NDRG4: variants seen among roughly 807,000 people sequenced by gnomAD.
The protein encoded by NDRG4 is protein NDRG4.
In NDRG4, 38 loss-of-function variants were observed where a neutral mutation model predicts 55.8. That is an observed-to-expected ratio of 0.68 (90% CI 0.53 to 0.89). The LOEUF (loss-of-function observed/expected upper bound fraction) is 0.89, where lower values mean the gene tolerates loss of function less well. Among genes scored for constraint, NDRG4 ranks in the 40% least tolerant of loss-of-function variants. The probability of loss-of-function intolerance (pLI) is 0.00; values close to 1 mark genes in which losing one functional copy is unlikely to be tolerated. For synonymous variants in NDRG4, 190 were observed against 182.7 expected (o/e 1.04, Z -0.32); for missense variants, 455 against 468.6 (o/e 0.97, Z 0.27).
intron 1 of NDRG4, chr16:58,501,762 G>A (rs77934594): frequency 9.0e-6 from 3 of 333,098 alleles, no homozygotes; most frequent in Non-Finnish European, 1.8e-5. Context: ...CGTCACCTCA[G>A]GGGGATGGGG....
At position 58,512,105 on chromosome 16, in the gene NDRG4, T is replaced by A; in HGVS notation, c.*529T>A. On this transcript the variant is annotated 3_prime_UTR_variant, in exon 15 of 15. Transcript: ENST00000570248. ...GGGGGCGCTCGGACCAGGCAGCCAC[T>A]TTCCTGGTGCTCTCTGGGCCCAGCT... is the stretch of plus-strand genomic sequence containing the variant. 2.2e-6 allele frequency: 1 copy of A among 456,714 alleles called. No homozygotes were observed. Among genetic ancestry groups the A allele is most frequent in the Non-Finnish European group, 4.4e-6 (1 of 226,962 alleles). 28.3% of individuals were successfully genotyped at this position (456,714 alleles called of 1,614,324 possible).
chr16:58,475,216 C>A (rs1348171625), intron 1 of NDRG4, among the ~76,000 whole-genome samples: 1 of 152,194 alleles, frequency 6.6e-6, no homozygotes. Context: ...TTGAGTGAGG[C>A]ACCCGTGTAA....
chr16:58,514,789 T>C (rs2039066528), downstream of NDRG4, among the ~76,000 whole-genome samples: 1 of 148,540 alleles, frequency 6.7e-6, no homozygotes, highest in Admixed American at 6.7e-5. Context: ...AAACTGAGTG[T>C]TGAGCTGCGG....
At chr16:58,471,662 G>C (rs2032851466) in intron 1 of NDRG4, among the ~76,000 whole-genome samples, 1 of 152,126 alleles carries the variant, frequency 6.6e-6, no homozygotes, top group Non-Finnish European at 1.5e-5. Context: ...ACCACAGGTG[G>C]AATGTATCGC....
rs1555490160 is a variant in NDRG4, at chr16:58,513,164, T to TTGTGTG, written c.*1589_*1590insGTGTGT. ...AGATGTATCTATAAATATCTATACA[T>TTGTGTG]TATATGTGTGTGTGTGTGTGTGTGT... On this transcript the variant is annotated 3_prime_UTR_variant, in exon 15 of 15. Transcript: ENST00000570248. 5.1e-5 allele frequency: 3 copies of TTGTGTG among 58,878 alleles called. No homozygotes were observed. Among genetic ancestry groups the TTGTGTG allele is most frequent in the East Asian group, 6.4e-4 (1 of 1,564 alleles). The allele number at this position is 58,878 out of a possible 1,614,324, so 3.6% of individuals were successfully genotyped here. A position where few individuals can be genotyped will look rare whatever the true frequency, so the allele number is the denominator to read the frequency against.
intron 1 of NDRG4, among the ~76,000 whole-genome samples, chr16:58,480,325 T>C (rs1342098206): frequency 1.3e-5 from 2 of 152,228 alleles, no homozygotes; most frequent in Non-Finnish European, 2.9e-5. Context: ...TTCACCATGT[T>C]GGCCAGGCTG....
chr16:58,467,953 G>A (rs1476892800), intron 1 of NDRG4, among the ~76,000 whole-genome samples: 1 of 152,200 alleles, frequency 6.6e-6, no homozygotes, highest in Non-Finnish European at 1.5e-5. Context: ...CCCGCAGGGT[G>A]TTCCAGTTCC....
Position 58,505,713 on chromosome 16 carries a change from C to CTTTT in NDRG4, c.373-651_373-648dup, listed in dbSNP as rs1028370131. Among the ~76,000 whole-genome samples, 9 of 58,660 alleles carry CTTTT rather than the reference C, an allele frequency of 1.5e-4. 1 individual carries two copies. Among genetic ancestry groups the CTTTT allele is most frequent in the African/African-American group, 4.6e-4 (6 of 13,054 alleles). 38.5% of individuals were successfully genotyped at this position (58,660 alleles called of 152,430 possible). On this transcript the variant is annotated intron_variant, in intron 5 of 14. Transcript: ENST00000570248. ...ATTTATATCATGAGGGCTTCATTTT[C>CTTTT]TTTTTTTTTTTTTTTTTTTTTTTTT...
At chr16:58,479,309 G>A (rs2034115639) in intron 1 of NDRG4, among the ~76,000 whole-genome samples, 1 of 152,160 alleles carries the variant, frequency 6.6e-6, no homozygotes, top group Non-Finnish European at 1.5e-5. Flanking sequence ...TTTAATGGCT[G>A]CATGGTACTC....
At chr16:58,491,297 C>T (rs1213882174) in intron 2 of NDRG4, among the ~76,000 whole-genome samples, 1 of 152,004 alleles carries the variant, frequency 6.6e-6, no homozygotes, top group Non-Finnish European at 1.5e-5. Context: ...AGCCCCACCC[C>T]ACACCCGACA....
rs1413883584 is a variant in NDRG4, at chr16:58,504,219, G to C, written c.193G>C (p.Val65Leu). ...DMQEITKHFV[V>L]CHVDAPGQQV... ...GCAGGAGATCACCAAGCACTTTGTG[G>C]TGTGTCACGTGGATGCCCCTGGACA... Residue 65 changes from valine to leucine, a missense_variant, in exon 3 of 15, where the codon GTG becomes CTG. Physicochemically the swap from Val to Leu is conservative, Grantham distance 32. Transcript: ENST00000570248. The C allele has an allele frequency of 6.2e-7, 1 of 1,614,184 alleles. No homozygotes were observed. The highest frequency in any genetic ancestry group is 8.5e-7 in the Non-Finnish European group (1 of 1,180,020).
intron 10 of NDRG4, 23 bp from the exon 11 acceptor site, chr16:58,508,939 T>C: frequency 6.2e-7 from 1 of 1,612,592 alleles, no homozygotes. Context: ...GGGCTGTTGC[T>C]GAAGCTGGCT....
In NDRG4 at chr16:58,507,965, T is replaced by TCCTCA; in HGVS notation, c.695_696insCCTCA (p.Val233LeufsTer28). 1.9e-6 allele frequency: 3 copies of TCCTCA among 1,599,118 alleles called. No homozygotes were observed. Among genetic ancestry groups the TCCTCA allele is most frequent in the Non-Finnish European group, 2.6e-6 (3 of 1,170,508 alleles). On this transcript the variant is annotated frameshift_variant, in exon 10 of 15. Transcript: ENST00000570248. LOFTEE classifies it high-confidence loss of function. The stretch of plus-strand genomic sequence containing the variant: ...ATCTGCAGCTGCCCCGTGATGCTGG[T>TCCTCA]GGTTGGGGATAATGCACCCGCTGAG...
intron 1 of NDRG4, chr16:58,487,645 G>T: frequency 2.5e-6 from 2 of 784,788 alleles, no homozygotes; most frequent in South Asian, 2.1e-5. Context: ...TGGGGGCCAG[G>T]GGGACAGTGC....
intron 1 of NDRG4, among the ~76,000 whole-genome samples, chr16:58,480,487 A>G (rs902196120): frequency 2.0e-5 from 3 of 152,246 alleles, no homozygotes; most frequent in African/African-American, 4.8e-5. Flanking sequence ...AGCCCTGTCA[A>G]ACAGCCTTGT....
Position 58,464,269 on chromosome 16 carries a change from C to T in NDRG4, c.-24+472C>T, listed in dbSNP as rs1239044532. On this transcript the variant is annotated intron_variant, in intron 1 of 15. Transcript: ENST00000258187. The surrounding 1 kb of genome is among the most constrained non-coding windows in gnomAD (Gnocchi z 4.8). ...AACCGTTTTGGAGGGGGGAGCGCGG[C>T]GTTGGGGGCGGGAGAGCGCTCCTGG... 7 of 483,168 alleles carry T rather than the reference C, an allele frequency of 1.4e-5. No homozygotes were observed. The highest frequency in any genetic ancestry group is 4.0e-5 in the African/African-American group (2 of 49,628). 29.9% of individuals were successfully genotyped at this position (483,168 alleles called of 1,614,324 possible).
chr16:58,465,091 C>CGGG lies in NDRG4; in HGVS notation c.-24+1299_-24+1301dup. The CGGG allele has an allele frequency of 3.1e-6, 4 of 1,285,514 alleles. No individual in the cohort carries two copies. In the South Asian group the frequency reaches 5.0e-5, roughly 16 times the overall value. 79.6% of individuals were successfully genotyped at this position (1,285,514 alleles called of 1,614,324 possible). On this transcript the variant is annotated intron_variant, in intron 1 of 15. Transcript: ENST00000258187. ...GAGGAGGTGGGAAAGGGAGCAGGGA[C>CGGG]GGGGGGGAGGATTCGAGGAGTGACT...
intron 13 of NDRG4, among the ~76,000 whole-genome samples, chr16:58,509,760 G>T (rs1187516894): frequency 6.6e-6 from 1 of 152,210 alleles, no homozygotes; most frequent in African/African-American, 2.4e-5. Flanking sequence ...TATGGCACCT[G>T]AGAAGGCCTT....
intron 1 of NDRG4, chr16:58,500,910 C>A (rs2036994091): frequency 2.0e-6 from 2 of 994,930 alleles, no homozygotes; most frequent in Non-Finnish European, 2.6e-6. Context: ...CTGGGCCACA[C>A]AGGAATGACA....
Sources: gnomAD v4.1 joint callset for allele counts (sites outside exome capture counted in the v4.1 genomes callset) on GRCh38, gnomAD v4.1.1 for gene constraint, Gnocchi (gnomAD v3.1) non-coding constraint, MANE v1.5 for transcripts, NCBI Gene and HGNC (gene_info 2026-07-23, HGNC 2026-07-21) for gene names.